IL4R: variants seen among roughly 807,000 people sequenced by gnomAD.
IL4R encodes interleukin-4 receptor subunit alpha.
IL4R carries 17 observed loss-of-function variants against 41.5 expected under a neutral mutation model. The ratio of observed to expected loss-of-function variants is 0.41; its 90% CI spans 0.28 to 0.61. IL4R has a LOEUF of 0.61. IL4R is among the 20% of genes least tolerant of loss of function. IL4R has a pLI of 0.31. For synonymous variants in IL4R, 402 were observed against 422.9 expected, an observed-to-expected ratio of 0.95 and a Z score of 0.61; for missense variants, 974 against 1,043.1, an observed-to-expected ratio of 0.93 and a Z score of 0.91.
chr16:27,342,211 G>T lies in IL4R; in HGVS notation c.161G>T (p.Cys54Phe). The change falls in exon 4 of 11, where the codon TGC becomes TTC. Residue 54 changes from cysteine (C) to phenylalanine (F), a missense_variant. By Grantham distance (205) the Cys-to-Phe change is radical. Transcript: ENST00000395762. The stretch of plus-strand genomic sequence containing the variant: ...TGGAAGATGAATGGTCCCACCAATT[G>T]CAGCACCGAGCTCCGCCTGTTGTAC... Reference protein sequence around the residue: ...CEWKMNGPTNCSTELRLLYQL... With the variant: ...CEWKMNGPTNFSTELRLLYQL... The T allele has an allele frequency of 6.2e-7, 1 of 1,614,230 alleles. No individual in the cohort carries two copies. Among genetic ancestry groups the T allele is most frequent in the Non-Finnish European group, 8.5e-7 (1 of 1,180,042 alleles).
chr16:27,348,160 T>A (rs1459184283), intron 6 of IL4R, among the ~76,000 whole-genome samples: 1 of 152,172 alleles, frequency 6.6e-6, no homozygotes, highest in African/African-American at 2.4e-5. Flanking sequence ...TCGATTTATA[T>A]CTCTCAGGTC....
intron 2 of IL4R, among the ~76,000 whole-genome samples, chr16:27,333,311 G>A (rs115007589): frequency 4.8e-4 from 73 of 151,802 alleles, no homozygotes; most frequent in African/African-American, 1.4e-3. Context: ...CTACACTTGC[G>A]GAACTGTTGT....
rs567685782 is a variant in IL4R, at chr16:27,330,717, C to T, written c.-19+519C>T. Among the ~76,000 whole-genome samples the T allele has an allele frequency of 6.6e-5, 10 of 152,214 alleles. No homozygotes were observed. The South Asian group carries it at 2.1e-3, about 32-fold the overall frequency. On this transcript the variant is annotated intron_variant, in intron 2 of 10. Transcript: ENST00000395762. Reference sequence around the variant, plus strand: ...CATCCAACTCCCTTCCTGACCCACCCCCTCAGCCCCTGGCACCCACTGATG... The same window carrying T: ...CATCCAACTCCCTTCCTGACCCACCTCCTCAGCCCCTGGCACCCACTGATG...
Position 27,325,744 on chromosome 16 carries a change from T to C in IL4R, c.-151-4322T>C, listed in dbSNP as rs892053644. ...ATGCTCACTTATTGAGTGCCTGCTG[T>C]ATGTCGGGCCCCTCCCCGAGAGAAC... On this transcript the variant is annotated intron_variant, in intron 1 of 10. Transcript: ENST00000395762. Among the ~76,000 whole-genome samples the C allele has an allele frequency of 3.3e-5, 5 of 152,110 alleles. No individual in the cohort carries two copies. In the East Asian group the frequency reaches 9.6e-4, roughly 29 times the overall value.
chr16:27,341,804 A>G (rs2085450164), intron 3 of IL4R, among the ~76,000 whole-genome samples: 2 of 151,980 alleles, frequency 1.3e-5, no homozygotes, highest in African/African-American at 4.8e-5. Flanking sequence ...ATGGAATGGC[A>G]CTCCTTAAAC....
intron 1 of IL4R, chr16:27,318,523 C>T (rs779710763): frequency 6.6e-6 from 1 of 152,228 alleles, no homozygotes; most frequent in Non-Finnish European, 1.5e-5. Flanking sequence ...TGTGCTTACC[C>T]CTCATTCTGC....
rs1211409918 is a variant in IL4R, at chr16:27,364,288, G to A, written c.*458G>A. ...GCCTAGAAACTAACACAGCCATCAAGGGAATGACTTGGGCGGCCTTGGGAA... is the reference window on the plus strand; with the variant it reads ...GCCTAGAAACTAACACAGCCATCAAAGGAATGACTTGGGCGGCCTTGGGAA... On this transcript the variant is annotated 3_prime_UTR_variant, in exon 11 of 11. Transcript: ENST00000395762. 1 of 163,252 alleles carries A rather than the reference G, an allele frequency of 6.1e-6. No individual in the cohort carries two copies. The highest frequency in any genetic ancestry group is 1.3e-5 in the Non-Finnish European group (1 of 75,264). 10.1% of individuals were successfully genotyped at this position (163,252 alleles called of 1,614,324 possible). A position where few individuals can be genotyped will look rare whatever the true frequency, so the allele number is the denominator to read the frequency against.
chr16:27,341,008 G>C (rs2085423891), intron 3 of IL4R: 1 of 540,428 alleles, frequency 1.9e-6, no homozygotes, highest in African/African-American at 1.9e-5. Flanking sequence ...CAGAGTGGCT[G>C]AATCAAAAAA....
At position 27,346,767 on chromosome 16, in the gene IL4R, C is replaced by T. The variant is rs2085661538; in HGVS notation, c.513+149C>T. ...AGGAGCTAGAGACCTGGCTTCTCACCTGGCTCTGCACTAGGCAAGTCCCTT... is the reference window on the plus strand; with the variant it reads ...AGGAGCTAGAGACCTGGCTTCTCACTTGGCTCTGCACTAGGCAAGTCCCTT... On this transcript the variant is annotated intron_variant, in intron 6 of 10. Transcript: ENST00000395762. The T allele has an allele frequency of 4.9e-6, 4 of 819,162 alleles. No homozygotes were observed. In the Admixed American group the frequency reaches 9.2e-5, roughly 19 times the overall value. The allele number at this position is 819,162 out of a possible 1,614,324, so 50.7% of individuals were successfully genotyped here.
rs990064504 is a variant in IL4R, at chr16:27,345,880, G to A, written c.362-587G>A. Among the ~76,000 whole-genome samples, 1 of 152,208 alleles carries A rather than the reference G, an allele frequency of 6.6e-6. No homozygotes were observed. Among genetic ancestry groups the A allele is most frequent in the African/African-American group, 2.4e-5 (1 of 41,434 alleles). ...CCAGCTACTTGGGAGGCTGAGGTAG[G>A]AGAATGGCTTGAACCCAGGAGAAGG... On this transcript the variant is annotated intron_variant, in intron 5 of 10. Transcript: ENST00000395762. This position sits in a 1 kb window ranked among gnomAD's most constrained non-coding sequence, Gnocchi z 4.5.
intron 4 of IL4R, among the ~76,000 whole-genome samples, chr16:27,343,307 C>T (rs773649369): frequency 7.2e-5 from 11 of 152,294 alleles, no homozygotes; most frequent in Non-Finnish European, 1.3e-4. Context: ...AACTATGGCC[C>T]GTGAGCCAAA....
At chr16:27,351,018 A>C (rs961640776) in intron 6 of IL4R, among the ~76,000 whole-genome samples, 14 of 152,168 alleles carry the variant, frequency 9.2e-5, no homozygotes, top group African/African-American at 3.1e-4. Flanking sequence ...ATTATCTCAT[A>C]GTTTCTGTGG....
chr16:27,355,040 C>T (rs981797640), intron 7 of IL4R: 1 of 467,550 alleles, frequency 2.1e-6, no homozygotes, highest in Non-Finnish European at 4.5e-6. Context: ...CTGAGTTCCT[C>T]CTACATGGCT....
intron 1 of IL4R, among the ~76,000 whole-genome samples, chr16:27,325,732 G>C (rs2084938973): frequency 6.6e-6 from 1 of 152,086 alleles, no homozygotes; most frequent in Non-Finnish European, 1.5e-5. Flanking sequence ...CTCACTTATT[G>C]AGTGCCTGCT....
At chr16:27,314,538 G>A (rs755563046) in intron 1 of IL4R, among the ~76,000 whole-genome samples, 1 of 152,356 alleles carries the variant, frequency 6.6e-6, no homozygotes, top group Non-Finnish European at 1.5e-5. Context: ...CTGAAAGGAT[G>A]CCAAGTGAAA....
At chr16:27,341,352 G>A in intron 3 of IL4R, 1 of 598,716 alleles carries the variant, frequency 1.7e-6, no homozygotes, top group South Asian at 2.0e-5. Context: ...GTTAGTTTTG[G>A]ACATGAGATA....
intron 10 of IL4R, 22 bp from the exon 11 acceptor site, chr16:27,362,230 T>C (rs1169444443): frequency 6.2e-7 from 1 of 1,609,544 alleles, no homozygotes; most frequent in Non-Finnish European, 8.5e-7. Flanking sequence ...AACTGAACCC[T>C]GACCAACCTT....
At chr16:27,361,871 C>T (rs1374494867) in intron 10 of IL4R, among the ~76,000 whole-genome samples, 1 of 152,184 alleles carries the variant, frequency 6.6e-6, no homozygotes, top group Non-Finnish European at 1.5e-5. Flanking sequence ...CCTCCCTCCT[C>T]AGCCTCCTAA....
rs2085849000 is a variant in IL4R at position 27,351,005 on chromosome 16, T to G, written c.514-1535T>G. On this transcript the variant is annotated intron_variant, in intron 6 of 10. Transcript: ENST00000395762. ...GCTTCACAGCTTTAAACAACACCCA[T>G]TTATTATCTCATAGTTTCTGTGGTT... 2.6e-5 allele frequency among the ~76,000 whole-genome samples: 4 copies of G among 152,336 alleles called. No homozygotes were observed. In the South Asian group the frequency reaches 8.3e-4, roughly 32 times the overall value.
Sources: gnomAD v4.1 joint callset for allele counts (sites outside exome capture counted in the v4.1 genomes callset) on GRCh38, gnomAD v4.1.1 for gene constraint, Gnocchi (gnomAD v3.1) non-coding constraint, MANE v1.5 for transcripts, NCBI Gene and HGNC (gene_info 2026-07-23, HGNC 2026-07-21) for gene names.